The following SPATA12 variants were observed in gnomAD, a reference collection of about 807,000 sequenced individuals.
SPATA12 encodes the protein spermatogenesis-associated protein 12.
For synonymous variants in SPATA12, 85 were observed against 89.2 expected (o/e 0.95, Z 0.26); for missense variants, 219 against 226.4 (o/e 0.97, Z 0.21).
intron 1 of SPATA12, among the ~76,000 whole-genome samples, chr3:57,070,314 A>C (rs1369124059): frequency 6.8e-6 from 1 of 146,856 alleles, no homozygotes; most frequent in Admixed American, 6.7e-5. Context: ...TCACAAATTC[A>C]GGAGTTAAAT....
At chr3:57,072,482 C>T (rs1705965456) in intron 1 of SPATA12, among the ~76,000 whole-genome samples, 2 of 151,194 alleles carry the variant, frequency 1.3e-5, no homozygotes, top group Admixed American at 6.6e-5. Context: ...GGCTCATGTC[C>T]GTAATCCCAG....
Position 57,074,063 on chromosome 3 carries a change from T to C in SPATA12, c.369T>C (p.His123=). The C allele has an allele frequency of 1.2e-6, 2 of 1,614,132 alleles. No individual in the cohort carries two copies. Among genetic ancestry groups the C allele is most frequent in the Non-Finnish European group, 8.5e-7 (1 of 1,179,978 alleles). The part of the protein sequence containing the change: ...IQQGSCEQVI[H]NSTPQFLGME... ...AAGGCAGTTGTGAGCAAGTTATTCA[T>C]AACTCTACACCTCAATTTCTTGGTA... The change falls in exon 2 of 2, where the codon CAT becomes CAC. Residue 123 remains histidine (H), a synonymous_variant. Transcript: ENST00000334325.
chr3:57,063,432 G>C (rs1275262820), intron 1 of SPATA12, among the ~76,000 whole-genome samples: 1 of 152,202 alleles, frequency 6.6e-6, no homozygotes, highest in Non-Finnish European at 1.5e-5. Flanking sequence ...CAGAGGCTTG[G>C]AGGCCGCAGT....
chr3:57,073,148 G>A (rs533072145), intron 1 of SPATA12, among the ~76,000 whole-genome samples: 4 of 152,176 alleles, frequency 2.6e-5, no homozygotes, highest in Admixed American at 6.5e-5. Flanking sequence ...CCATGCCTGT[G>A]TGAGTAAACA....
rs565490891 is a variant in SPATA12 at position 57,066,050 on chromosome 3, A to C, written c.-330+5264A>C. Among the ~76,000 whole-genome samples, 8 of 93,012 alleles carry C rather than the reference A, an allele frequency of 8.6e-5. No homozygotes were observed. In the South Asian group the frequency reaches 2.8e-3, roughly 32 times the overall value. 61.0% of individuals were successfully genotyped at this position (93,012 alleles called of 152,430 possible). On this transcript the variant is annotated intron_variant, in intron 1 of 1. Transcript: ENST00000334325. ...ACTCTGTCTCCAAAACAAAAAAAAA[A>C]AACCCTAAAATGTAAGAAAAAATCC...
In SPATA12 at chr3:57,074,395, C is replaced by T; in HGVS notation, c.*128C>T. On this transcript the variant is annotated 3_prime_UTR_variant, in exon 2 of 2. Transcript: ENST00000334325. Reference sequence around the variant, plus strand: ...TCGTAGCCATCCCTTTCTGCATCTTCTTAGATATCACTTTTTCCAAGAAGC... The same window carrying T: ...TCGTAGCCATCCCTTTCTGCATCTTTTTAGATATCACTTTTTCCAAGAAGC... The T allele has an allele frequency of 1.3e-6, 1 of 763,736 alleles. No homozygotes were observed. The allele number at this position is 763,736 out of a possible 1,614,324, so 47.3% of individuals were successfully genotyped here. A position where few individuals can be genotyped will look rare whatever the true frequency, so the allele number is the denominator to read the frequency against.
At chr3:57,063,155 T>C (rs1705325289) in intron 1 of SPATA12, among the ~76,000 whole-genome samples, 1 of 152,042 alleles carries the variant, frequency 6.6e-6, no homozygotes, top group South Asian at 2.1e-4. Context: ...GAATAGCAGG[T>C]GCAAAGGCCC....
At chr3:57,069,376 A>AAC (rs147675971) in intron 1 of SPATA12, among the ~76,000 whole-genome samples, 7,416 of 146,144 alleles carry the variant, frequency 0.051, 221 homozygotes, top group East Asian at 0.14. Context: ...CTGTCTCTCA[A>AAC]ACACACACAC....
Position 57,074,237 on chromosome 3 carries a change from C to T in SPATA12, c.543C>T (p.Tyr181=). 6.2e-7 allele frequency: 1 copy of T among 1,613,908 alleles called. No individual in the cohort carries two copies. The highest frequency in any genetic ancestry group is 1.1e-5 in the South Asian group (1 of 91,064). The change falls in exon 2 of 2, where the codon TAC becomes TAT. Residue 181 remains tyrosine (Y), a synonymous_variant. Coordinates refer to ENST00000334325, the MANE Select transcript of SPATA12 (RefSeq NM_181727.2). The part of the protein sequence containing the change: ...GCFVRSLSTV[Y]SNTHIHTHL ...TTGTCAGGTCCCTCTCTACAGTATA[C>T]TCCAACACACACATACACACACATC...
At chr3:57,069,854 AGGCGG>A (rs953658816) in intron 1 of SPATA12, among the ~76,000 whole-genome samples, 34 of 152,194 alleles carry the variant, frequency 2.2e-4, no homozygotes, top group Non-Finnish European at 1.2e-4. Flanking sequence ...TTTGCTGCCC[AGGCGG>A]GTCTCAAACT....
intron 1 of SPATA12, among the ~76,000 whole-genome samples, chr3:57,068,843 A>C (rs1412493757): frequency 2.6e-5 from 4 of 152,066 alleles, no homozygotes; most frequent in Non-Finnish European, 5.9e-5. Context: ...CCCTCACTAA[A>C]GGATGGAAAC....
intron 1 of SPATA12, among the ~76,000 whole-genome samples, chr3:57,069,680 C>T (rs1705774564): frequency 6.6e-6 from 1 of 151,856 alleles, no homozygotes; most frequent in Admixed American, 6.6e-5. Context: ...GGGTCTTGCT[C>T]TGTCGCCAAG....
intron 1 of SPATA12, among the ~76,000 whole-genome samples, chr3:57,064,330 T>C (rs1705406530): frequency 6.6e-6 from 1 of 152,034 alleles, no homozygotes; most frequent in Non-Finnish European, 1.5e-5. Flanking sequence ...TTTCTTTTTT[T>C]TTCTTTTTTT....
chr3:57,071,186 AAG>A (rs1705881115), intron 1 of SPATA12, among the ~76,000 whole-genome samples: 1 of 152,176 alleles, frequency 6.6e-6, no homozygotes, highest in African/African-American at 2.4e-5. Context: ...GATTTTTGAC[AAG>A]AGTGTCAAAA....
chr3:57,073,391 A>T lies in SPATA12; in HGVS notation c.-304A>T, dbSNP rs900114695. The T allele has an allele frequency of 1.9e-5, 6 of 317,706 alleles. No individual in the cohort carries two copies. The highest frequency in any genetic ancestry group is 6.4e-5 in the African/African-American group (3 of 47,070). 19.7% of individuals were successfully genotyped at this position (317,706 alleles called of 1,614,324 possible). ...CCAAAAGGGAAGGAAAGAGAGAGAA[A>T]GCCACTGGAGTTGGGCAGCGTGGGA... is the stretch of plus-strand genomic sequence containing the variant. On this transcript the variant is annotated 5_prime_UTR_variant, in exon 2 of 2. The change creates a new upstream start codon in the 5' untranslated region. Coordinates refer to ENST00000334325, the MANE Select transcript of SPATA12 (RefSeq NM_181727.2).
At position 57,074,492 on chromosome 3, in the gene SPATA12, G is replaced by A. The variant is rs1042996551; in HGVS notation, c.*225G>A. The A allele has an allele frequency of 6.9e-6, 4 of 578,370 alleles. No individual in the cohort carries two copies. The highest frequency in any genetic ancestry group is 1.9e-5 in the African/African-American group (1 of 53,194). 35.8% of individuals were successfully genotyped at this position (578,370 alleles called of 1,614,324 possible). A position where few individuals can be genotyped will look rare whatever the true frequency, so the allele number is the denominator to read the frequency against. ...CAGAAAGGTTAAGTTACTGGCACAA[G>A]GTCACACAATCCAGATCTCATACTC... On this transcript the variant is annotated 3_prime_UTR_variant, in exon 2 of 2. Coordinates refer to ENST00000334325, the MANE Select transcript of SPATA12 (RefSeq NM_181727.2).
intron 1 of SPATA12, among the ~76,000 whole-genome samples, chr3:57,068,821 A>AC (rs1705710873): frequency 1.3e-5 from 2 of 152,074 alleles, no homozygotes; most frequent in Non-Finnish European, 2.9e-5. Flanking sequence ...GTGCACACAC[A>AC]CGCACACACC....
chr3:57,062,448 C>T (rs1034334238), intron 1 of SPATA12, among the ~76,000 whole-genome samples: 2 of 152,236 alleles, frequency 1.3e-5, no homozygotes, highest in African/African-American at 4.8e-5. Flanking sequence ...CTCAGGAGCA[C>T]GGCGGCGGGG....
Position 57,075,266 on chromosome 3 carries a change from T to C in SPATA12, c.*999T>C, listed in dbSNP as rs1343931841. 1 of 167,092 alleles carries C rather than the reference T, an allele frequency of 6.0e-6. No homozygotes were observed. The highest frequency in any genetic ancestry group is 2.4e-5 in the African/African-American group (1 of 41,454). The allele number at this position is 167,092 out of a possible 1,614,324, so 10.4% of individuals were successfully genotyped here. Reference sequence around the variant, plus strand: ...ACTGGCCACTCTCCCTCACATCTTATTACTGATCTAGTTGTCTACTGTCCA... The same window carrying C: ...ACTGGCCACTCTCCCTCACATCTTACTACTGATCTAGTTGTCTACTGTCCA... On this transcript the variant is annotated 3_prime_UTR_variant, in exon 2 of 2. Transcript: ENST00000334325.
Sources: gnomAD v4.1 joint callset for allele counts (sites outside exome capture counted in the v4.1 genomes callset) on GRCh38, gnomAD v4.1.1 for gene constraint, MANE v1.5 for transcripts, NCBI Gene and HGNC (gene_info 2026-07-23, HGNC 2026-07-21) for gene names.